Variants in MTCH1 observed in about 807,000 individuals in gnomAD.
The protein encoded by MTCH1 is mitochondrial carrier 1, also known as mitochondrial carrier homolog 1.
In MTCH1, 23 loss-of-function variants were observed where a neutral mutation model predicts 49.3. The ratio of observed to expected loss-of-function variants is 0.47; its 90% CI spans 0.34 to 0.66. The LOEUF (loss-of-function observed/expected upper bound fraction) is 0.66. Among genes scored for constraint, MTCH1 ranks in the 30% least tolerant of loss-of-function variants. The pLI, the probability that MTCH1 is intolerant of heterozygous loss-of-function variation, is 0.01. For synonymous variants in MTCH1, 229 were observed against 215.2 expected (o/e 1.06, Z -0.56); for missense variants, 397 against 532.1 (o/e 0.75, Z 2.50).
chr6:36,977,627 G>A lies in MTCH1; in HGVS notation c.649+7C>T. ...GATACAGTCTCGGGGGAAGGGGGGT[G>A]GCTTACCATGCAGGGGGTGGGCCAA... On this transcript the variant is annotated splice_region_variant and intron_variant, in intron 5 of 11. Coordinates refer to ENST00000373627, the MANE Select transcript of MTCH1 (RefSeq NM_001271641.2). This position sits in a 1 kb window ranked among gnomAD's most constrained non-coding sequence, Gnocchi z 5.4. 4 of 1,597,312 alleles carry A rather than the reference G, an allele frequency of 2.5e-6. No individual in the cohort carries two copies. Among genetic ancestry groups the A allele is most frequent in the Non-Finnish European group, 3.4e-6 (4 of 1,168,152 alleles).
chr6:36,978,006 G>T, intron 4 of MTCH1, 72 bp downstream of exon 4: 3 of 1,370,460 alleles, frequency 2.2e-6, no homozygotes, highest in Non-Finnish European at 3.1e-6. Flanking sequence ...TCAATGACCC[G>T]CCCAACTTGG....
rs554879631 is a variant in MTCH1 at position 36,983,720 on chromosome 6, T to C, written c.322-2048A>G. Among the ~76,000 whole-genome samples the C allele has an allele frequency of 2.3e-4, 35 of 152,304 alleles. No homozygotes were observed. The South Asian group carries it at 7.3e-3, about 32-fold the overall frequency. On this transcript the variant is annotated intron_variant, in intron 1 of 11. Transcript: ENST00000373627. ...CCGACTCCCAAACCTGACAGCCACA[T>C]GCACTAATCTAAGGCACTGCATTCT...
chr6:36,976,417 T>C (rs1763881224), intron 6 of MTCH1: 1 of 404,246 alleles, frequency 2.5e-6, no homozygotes, highest in Non-Finnish European at 5.2e-6. Context: ...CGGTCCCAGA[T>C]CATCCCAGCC....
Position 36,982,549 on chromosome 6 carries a change from G to A in MTCH1, c.322-877C>T, listed in dbSNP as rs1373966981. 2.0e-5 allele frequency among the ~76,000 whole-genome samples: 3 copies of A among 151,904 alleles called. No individual in the cohort carries two copies. The highest frequency in any genetic ancestry group is 2.1e-4 in the South Asian group (1 of 4,804). On this transcript the variant is annotated intron_variant, in intron 1 of 11. Transcript: ENST00000373627. The surrounding 1 kb of genome is among the most constrained non-coding windows in gnomAD (Gnocchi z 4.1). ...AATACAAGCACCCGCCACCATACCCGGCAAATTTTTTGTATTTTTAGTAGA... is the reference window on the plus strand; with the variant it reads ...AATACAAGCACCCGCCACCATACCCAGCAAATTTTTTGTATTTTTAGTAGA...
At position 36,982,579 on chromosome 6, in the gene MTCH1, G is replaced by T. The variant is rs1263623278; in HGVS notation, c.322-907C>A. On this transcript the variant is annotated intron_variant, in intron 1 of 11. Coordinates refer to ENST00000373627, the MANE Select transcript of MTCH1 (RefSeq NM_001271641.2). The surrounding 1 kb of genome is among the most constrained non-coding windows in gnomAD (Gnocchi z 4.1). ...ATTTTTTGTATTTTTAGTAGAGACG[G>T]GGTTTCTCCATGTTGGTCAGGCTGG... Among the ~76,000 whole-genome samples, 3 of 152,160 alleles carry T rather than the reference G, an allele frequency of 2.0e-5. No homozygotes were observed. Among genetic ancestry groups the T allele is most frequent in the Non-Finnish European group, 2.9e-5 (2 of 68,038 alleles).
At position 36,977,090 on chromosome 6, in the gene MTCH1, C is replaced by CA; in HGVS notation, c.701+108dup. On this transcript the variant is annotated intron_variant, in intron 6 of 11. Coordinates refer to ENST00000373627, the MANE Select transcript of MTCH1 (RefSeq NM_001271641.2). The surrounding 1 kb of genome is among the most constrained non-coding windows in gnomAD (Gnocchi z 5.4). Reference sequence around the variant, plus strand: ...CAGAAGCCAGGCAGCAGGCTGAACTCACACAGCACTAGGGCAGAAAAGGTG... The same window carrying CA: ...CAGAAGCCAGGCAGCAGGCTGAACTCAACACAGCACTAGGGCAGAAAAGGTG... The CA allele has an allele frequency of 2.6e-6, 3 of 1,163,902 alleles. No homozygotes were observed. Among genetic ancestry groups the CA allele is most frequent in the Non-Finnish European group, 3.8e-6 (3 of 780,518 alleles). 72.1% of individuals were successfully genotyped at this position (1,163,902 alleles called of 1,614,324 possible). A position where few individuals can be genotyped will look rare whatever the true frequency, so the allele number is the denominator to read the frequency against.
intron 11 of MTCH1, 129 bp from the exon 12 acceptor site, chr6:36,969,103 C>G (rs1487702374): frequency 6.9e-7 from 1 of 1,448,004 alleles, no homozygotes; most frequent in Non-Finnish European, 9.1e-7. Flanking sequence ...TGGACGGCCT[C>G]GGCCTACATC....
At chr6:36,978,683 C>T (rs1763980501) in intron 2 of MTCH1, 72 bp from the exon 3 acceptor site, 2 of 1,354,310 alleles carry the variant, frequency 1.5e-6, no homozygotes, top group Admixed American at 1.8e-5. Flanking sequence ...CACACACACC[C>T]AGACCAGGCT....
intron 1 of MTCH1, among the ~76,000 whole-genome samples, chr6:36,984,353 C>A (rs1764216836): frequency 6.6e-6 from 1 of 152,210 alleles, no homozygotes; most frequent in Admixed American, 6.5e-5. Flanking sequence ...AAATCTGTCA[C>A]AATTAGGGTC....
chr6:36,986,078 C>T lies in MTCH1; in HGVS notation c.96G>A (p.Ala32=). Reference sequence around the variant, plus strand: ...GAGCTCGAGCCTCGACCCCCGCCGCCGCTCCGCCGCGAGCTCCGGCTCCAG... The same window carrying T: ...GAGCTCGAGCCTCGACCCCCGCCGCTGCTCCGCCGCGAGCTCCGGCTCCAG... ...AGAGAGARGG[A]AAGVEARARD... is the part of the protein sequence containing the mutation. Residue 32 remains alanine (A), a synonymous_variant, in exon 1 of 12, where the codon GCG becomes GCA. Coordinates refer to ENST00000373627, the MANE Select transcript of MTCH1 (RefSeq NM_001271641.2). 7.0e-7 allele frequency: 1 copy of T among 1,430,878 alleles called. No individual in the cohort carries two copies. The highest frequency in any genetic ancestry group is 9.1e-7 in the Non-Finnish European group (1 of 1,103,708). The allele number at this position is 1,430,878 out of a possible 1,614,324, so 88.6% of individuals were successfully genotyped here.
Position 36,972,596 on chromosome 6 carries a change from A to G in MTCH1, c.906+56T>C, listed in dbSNP as rs185144838. ...ATCCCAGAATCCTTGAGTTTGTCCCAGACCCTGGGCATCAGCAGCACACGG... is the reference window on the plus strand; with the variant it reads ...ATCCCAGAATCCTTGAGTTTGTCCCGGACCCTGGGCATCAGCAGCACACGG... On this transcript the variant is annotated intron_variant, in intron 8 of 11. Coordinates refer to ENST00000373627, the MANE Select transcript of MTCH1 (RefSeq NM_001271641.2). This position sits in a 1 kb window ranked among gnomAD's most constrained non-coding sequence, Gnocchi z 4.1. 637 of 1,519,844 alleles carry G rather than the reference A, an allele frequency of 4.2e-4. 3 individuals carry two copies. The African/African-American group carries it at 8.0e-3, about 19-fold the overall frequency. 94.1% of individuals were successfully genotyped at this position (1,519,844 alleles called of 1,614,324 possible).
At chr6:36,973,588 TGTC>T (rs1262717051) in intron 7 of MTCH1, among the ~76,000 whole-genome samples, 3 of 152,376 alleles carry the variant, frequency 2.0e-5, no homozygotes, top group South Asian at 2.1e-4. Flanking sequence ...TTTCTAATCT[TGTC>T]GTCCCTGCCT....
rs1670969406 is a variant in MTCH1, at chr6:36,977,338, C to T, written c.650-88G>A. The T allele has an allele frequency of 1.4e-6, 2 of 1,416,154 alleles. No homozygotes were observed. The highest frequency in any genetic ancestry group is 2.0e-6 in the Non-Finnish European group (2 of 1,008,100). The allele number at this position is 1,416,154 out of a possible 1,614,324, so 87.7% of individuals were successfully genotyped here. A position where few individuals can be genotyped will look rare whatever the true frequency, so the allele number is the denominator to read the frequency against. On this transcript the variant is annotated intron_variant, in intron 5 of 11. Transcript: ENST00000373627. The surrounding 1 kb of genome is among the most constrained non-coding windows in gnomAD (Gnocchi z 5.4). Reference sequence around the variant, plus strand: ...CCACCGGGTGCCAGGTGCAGAGTGGCCACTGAACAACGTGGCCTATTCAGA... The same window carrying T: ...CCACCGGGTGCCAGGTGCAGAGTGGTCACTGAACAACGTGGCCTATTCAGA...
In MTCH1 at chr6:36,981,820, T is replaced by C. The variant is rs922095534; in HGVS notation, c.322-148A>G. ...TGTTCATGTTTTCCCCATCAAAGCA[T>C]ACCAGAAAGCTCGTCAGTGTCTCTA... On this transcript the variant is annotated intron_variant, in intron 1 of 11. Transcript: ENST00000373627. The C allele has an allele frequency of 1.8e-5, 12 of 683,134 alleles. No individual in the cohort carries two copies. The Admixed American group carries it at 1.9e-4, about 11-fold the overall frequency. The allele number at this position is 683,134 out of a possible 1,614,324, so 42.3% of individuals were successfully genotyped here.
chr6:36,975,436 T>C (rs188042872), intron 7 of MTCH1, among the ~76,000 whole-genome samples: 53 of 152,282 alleles, frequency 3.5e-4, no homozygotes, highest in South Asian at 1.0e-3. Context: ...ATCTCCCCCA[T>C]GTACTAGACA....
rs1289243911 is a variant in MTCH1, at chr6:36,972,703, G to A, written c.855C>T (p.Ser285=). The change falls in exon 8 of 12, where the codon AGC becomes AGT. Residue 285 remains serine, a synonymous_variant. Transcript: ENST00000373627. This position sits in a 1 kb window ranked among gnomAD's most constrained non-coding sequence, Gnocchi z 4.1. ...CCAGCCCCCCTGGGGTGTCACTCAC[G>A]CTGTCATCCACCAGGTAGGCATTGA... ...HFINAYLVDD[S]VSDTPGGLGN... is the part of the protein sequence containing the mutation. 9 of 1,552,014 alleles carry A rather than the reference G, an allele frequency of 5.8e-6. No homozygotes were observed. Among genetic ancestry groups the A allele is most frequent in the African/African-American group, 5.5e-5 (4 of 73,064 alleles).
At chr6:36,981,124 T>TCA (rs983957411) in intron 2 of MTCH1, among the ~76,000 whole-genome samples, 3 of 151,970 alleles carry the variant, frequency 2.0e-5, no homozygotes, top group Admixed American at 6.5e-5. Flanking sequence ...TGAGCACCAC[T>TCA]CACTGCCTGA....
rs201588690 is a variant in MTCH1 at position 36,982,387 on chromosome 6, T to TA, written c.322-716_322-715insT. ...TATCTGAAATATTTATTTATTTATTTTTTTTTTTGAGATGGAGTTTCACTC... is the reference window on the plus strand; with the variant it reads ...TATCTGAAATATTTATTTATTTATTTATTTTTTTTGAGATGGAGTTTCACTC... On this transcript the variant is annotated intron_variant, in intron 1 of 11. Transcript: ENST00000373627. This position sits in a 1 kb window ranked among gnomAD's most constrained non-coding sequence, Gnocchi z 4.1. Among the ~76,000 whole-genome samples, 1,397 of 152,140 alleles carry TA rather than the reference T, an allele frequency of 9.2e-3. 27 individuals are homozygous for TA. Among genetic ancestry groups the TA allele is most frequent in the African/African-American group, 0.029 (1,201 of 41,498 alleles).
intron 11 of MTCH1, 45 bp from the exon 12 acceptor site, chr6:36,969,019 T>C (rs763820203): frequency 2.5e-6 from 4 of 1,605,744 alleles, no homozygotes; most frequent in Non-Finnish European, 3.4e-6. Flanking sequence ...GAGGCCACGC[T>C]TCCTTGTCCC....
Sources: gnomAD v4.1 joint callset for allele counts (sites outside exome capture counted in the v4.1 genomes callset) on GRCh38, gnomAD v4.1.1 for gene constraint, Gnocchi (gnomAD v3.1) non-coding constraint, MANE v1.5 for transcripts, NCBI Gene and HGNC (gene_info 2026-07-23, HGNC 2026-07-21) for gene names.